EFEMP1: variants seen among roughly 807,000 people sequenced by gnomAD.
EFEMP1 encodes EGF-containing fibulin-like extracellular matrix protein 1.
Under a neutral mutation model 65.7 loss-of-function variants are expected in EFEMP1, and 18 were observed. The observed-to-expected ratio is 0.27, with a 90% confidence interval of 0.19 to 0.41. The LOEUF is 0.41. Ranked by LOEUF, EFEMP1 falls within the 10% of genes least tolerant of loss-of-function variation. EFEMP1 has a pLI of 1.00. For missense variants in EFEMP1, 469 were observed against 624.8 expected, an observed-to-expected ratio of 0.75 and a Z score of 2.66; for synonymous variants, 237 against 219.7, an observed-to-expected ratio of 1.08 and a Z score of -0.70.
At position 55,871,796 on chromosome 2, in the gene EFEMP1, C is replaced by A. The variant is rs1668821136; in HGVS notation, c.1001-673G>T. On this transcript the variant is annotated intron_variant, in intron 9 of 11. Transcript: ENST00000355426. The surrounding 1 kb of genome is among the most constrained non-coding windows in gnomAD (Gnocchi z 4.2). ...AGTGGATTATACTGTCCAGAGGAAG[C>A]ACAGCACAGGAAGTGAAACTATGAA... 6.6e-6 allele frequency among the ~76,000 whole-genome samples: 1 copy of A among 151,998 alleles called. No individual in the cohort carries two copies. The highest frequency in any genetic ancestry group is 2.4e-5 in the African/African-American group (1 of 41,392).
At chr2:55,868,109 T>C (rs1002389244) in intron 11 of EFEMP1, among the ~76,000 whole-genome samples, 3 of 152,204 alleles carry the variant, frequency 2.0e-5, no homozygotes, top group Admixed American at 6.5e-5. Flanking sequence ...GTTCAATGTC[T>C]TGACTACAAG....
At chr2:55,891,076 G>A (rs1669612164) in intron 5 of EFEMP1, among the ~76,000 whole-genome samples, 1 of 152,078 alleles carries the variant, frequency 6.6e-6, no homozygotes, top group Non-Finnish European at 1.5e-5. Context: ...GTACTCAATA[G>A]TTATTTTTTC....
At chr2:55,905,445 T>C (rs1330986314) in intron 5 of EFEMP1, among the ~76,000 whole-genome samples, 1 of 152,172 alleles carries the variant, frequency 6.6e-6, no homozygotes, top group African/African-American at 2.4e-5. Context: ...GATTTTCCAA[T>C]AATTCTTTTT....
At chr2:55,918,089 G>A (rs758186253) in intron 4 of EFEMP1, 38 bp from the exon 5 acceptor site, 1 of 1,614,092 alleles carries the variant, frequency 6.2e-7, no homozygotes, top group Non-Finnish European at 8.5e-7. Context: ...AATCTTCTAA[G>A]AGGGAAAAAT....
intron 6 of EFEMP1, among the ~76,000 whole-genome samples, chr2:55,880,654 C>G (rs1041849972): frequency 2.0e-5 from 3 of 152,234 alleles, no homozygotes; most frequent in Non-Finnish European, 2.9e-5. Context: ...CATCCTCACC[C>G]TCTGTTCCTA....
chr2:55,907,150 C>CCT (rs940664178), intron 5 of EFEMP1, among the ~76,000 whole-genome samples: 1 of 152,136 alleles, frequency 6.6e-6, no homozygotes, highest in African/African-American at 2.4e-5. Context: ...TGAGAGGAAA[C>CCT]CTCTCTCTGC....
chr2:55,914,963 G>A (rs4380284), intron 5 of EFEMP1, among the ~76,000 whole-genome samples: 24,864 of 152,196 alleles, frequency 0.16, 2,780 homozygotes, highest in East Asian at 0.56. Flanking sequence ...ACATCTGCAG[G>A]CAATTAGAAG....
In EFEMP1 at chr2:55,921,165, C is replaced by G. The variant is rs1670896266; in HGVS notation, c.81+1195G>C. Reference sequence around the variant, plus strand: ...TCCCTGAGAAGGCAGTAAGTTTAGTCTGAATAACAAAACATTTTCATTTTA... The same window carrying G: ...TCCCTGAGAAGGCAGTAAGTTTAGTGTGAATAACAAAACATTTTCATTTTA... On this transcript the variant is annotated intron_variant, in intron 3 of 11. Transcript: ENST00000355426. The surrounding 1 kb of genome is among the most constrained non-coding windows in gnomAD (Gnocchi z 4.1). Among the ~76,000 whole-genome samples, 1 of 152,164 alleles carries G rather than the reference C, an allele frequency of 6.6e-6. No homozygotes were observed. The highest frequency in any genetic ancestry group is 1.5e-5 in the Non-Finnish European group (1 of 68,024).
chr2:55,908,578 G>T (rs1295251347), intron 5 of EFEMP1, among the ~76,000 whole-genome samples: 1 of 152,032 alleles, frequency 6.6e-6, no homozygotes, highest in Admixed American at 6.6e-5. Flanking sequence ...TAAGCAAGTA[G>T]ATTTTAAATA....
intron 5 of EFEMP1, among the ~76,000 whole-genome samples, chr2:55,906,816 G>A (rs749532838): frequency 6.8e-4 from 103 of 152,126 alleles, no homozygotes; most frequent in Non-Finnish European, 1.4e-3. Flanking sequence ...CACCTTAAAC[G>A]ATAGTTCATC....
chr2:55,899,260 A>C (rs1319063313), intron 5 of EFEMP1, among the ~76,000 whole-genome samples: 1 of 152,160 alleles, frequency 6.6e-6, no homozygotes, highest in South Asian at 2.1e-4. Flanking sequence ...TATTGAGCTG[A>C]ATTATTTGTA....
rs1668629498 is a variant in EFEMP1 at position 55,867,575 on chromosome 2, T to G, written c.1321-341A>C. Among the ~76,000 whole-genome samples the G allele has an allele frequency of 6.6e-6, 1 of 152,164 alleles. No individual in the cohort carries two copies. The highest frequency in any genetic ancestry group is 2.4e-5 in the African/African-American group (1 of 41,444). ...AGTGAGAATCTGATAATTTCTAAAC[T>G]TGTAAACAAAGTTGTCACTTTTCAT... On this transcript the variant is annotated intron_variant, in intron 11 of 11. Transcript: ENST00000355426. This position sits in a 1 kb window ranked among gnomAD's most constrained non-coding sequence, Gnocchi z 4.3.
rs891293659 is a variant in EFEMP1 at position 55,873,830 on chromosome 2, A to G, written c.1000+1116T>C. Among the ~76,000 whole-genome samples the G allele has an allele frequency of 2.6e-5, 4 of 152,124 alleles. No homozygotes were observed. The highest frequency in any genetic ancestry group is 6.6e-5 in the Admixed American group (1 of 15,252). Reference sequence around the variant, plus strand: ...TAATATTTTCCTGTAAAATCATGATATAGACTGAGAATCCCCAGTGTCTCC... The same window carrying G: ...TAATATTTTCCTGTAAAATCATGATGTAGACTGAGAATCCCCAGTGTCTCC... On this transcript the variant is annotated intron_variant, in intron 9 of 11. Transcript: ENST00000355426. The surrounding 1 kb of genome is among the most constrained non-coding windows in gnomAD (Gnocchi z 4.6).
chr2:55,917,828 A>G lies in EFEMP1; in HGVS notation c.354T>C (p.Phe118=), dbSNP rs1463449413. The G allele has an allele frequency of 1.2e-6, 2 of 1,614,228 alleles. No homozygotes were observed. Among genetic ancestry groups the G allele is most frequent in the Non-Finnish European group, 1.7e-6 (2 of 1,180,038 alleles). ...ATSGVLPGGG[F]VASAAAVAGP... ...CTGCGACTGCAGCAGCACTGGCCACAAAACCACCCCCGGGCAACACTCCAC... is the reference window on the plus strand; with the variant it reads ...CTGCGACTGCAGCAGCACTGGCCACGAAACCACCCCCGGGCAACACTCCAC... Residue 118 remains phenylalanine (F), a synonymous_variant, in exon 5 of 12, where the codon TTT becomes TTC. Coordinates refer to ENST00000355426, the MANE Select transcript of EFEMP1 (RefSeq NM_001039348.3). The surrounding 1 kb of genome is among the most constrained non-coding windows in gnomAD (Gnocchi z 6.3).
intron 5 of EFEMP1, among the ~76,000 whole-genome samples, chr2:55,905,378 A>C (rs890358103): frequency 1.3e-5 from 2 of 152,190 alleles, no homozygotes; most frequent in African/African-American, 4.8e-5. Flanking sequence ...TAGTAAGTTC[A>C]TAATACTTTT....
rs1358947950 is a variant in EFEMP1, at chr2:55,883,432, C to T, written c.518-1698G>A. Among the ~76,000 whole-genome samples the T allele has an allele frequency of 6.6e-6, 1 of 152,108 alleles. No homozygotes were observed. The highest frequency in any genetic ancestry group is 1.5e-5 in the Non-Finnish European group (1 of 68,020). On this transcript the variant is annotated intron_variant, in intron 5 of 11. Coordinates refer to ENST00000355426, the MANE Select transcript of EFEMP1 (RefSeq NM_001039348.3). The surrounding 1 kb of genome is among the most constrained non-coding windows in gnomAD (Gnocchi z 4.5). ...GAAAACCTTTTTACTGGGGTTTCTTCAGAGCTTTATGACTCGTTAATGCAG... is the reference window on the plus strand; with the variant it reads ...GAAAACCTTTTTACTGGGGTTTCTTTAGAGCTTTATGACTCGTTAATGCAG...
In EFEMP1 at chr2:55,887,227, G is replaced by C. The variant is rs560057031; in HGVS notation, c.518-5493C>G. Among the ~76,000 whole-genome samples, 3 of 152,128 alleles carry C rather than the reference G, an allele frequency of 2.0e-5. No individual in the cohort carries two copies. In the South Asian group the frequency reaches 6.2e-4, roughly 31 times the overall value. On this transcript the variant is annotated intron_variant, in intron 5 of 11. Coordinates refer to ENST00000355426, the MANE Select transcript of EFEMP1 (RefSeq NM_001039348.3). Reference sequence around the variant, plus strand: ...ACACAGAGCAGAGATTCAAACACCAGATTTCCATTTTGTTTCTGCAATTTA... The same window carrying C: ...ACACAGAGCAGAGATTCAAACACCACATTTCCATTTTGTTTCTGCAATTTA...
At chr2:55,868,541 C>T (rs1020839824) in intron 11 of EFEMP1, among the ~76,000 whole-genome samples, 12 of 152,124 alleles carry the variant, frequency 7.9e-5, no homozygotes, top group Non-Finnish European at 1.6e-4. Flanking sequence ...AGATGGTTTT[C>T]TCAGTATTTT....
At chr2:55,902,331 C>CAT (rs35244011) in intron 5 of EFEMP1, among the ~76,000 whole-genome samples, 61,261 of 152,036 alleles carry the variant, frequency 0.4, 14,540 homozygotes, top group African/African-American at 0.67. Context: ...TGAACTAATT[C>CAT]AGACTTTAAA....
Sources: allele counts gnomAD v4.1 joint callset (sites outside exome capture counted in the v4.1 genomes callset), GRCh38; gene constraint gnomAD v4.1.1; non-coding constraint Gnocchi (gnomAD v3.1); transcripts MANE v1.5; gene names NCBI Gene and HGNC (gene_info 2026-07-23, HGNC 2026-07-21).